The following ERG variants were observed in gnomAD, a reference collection of about 807,000 sequenced individuals.
ERG encodes transcriptional regulator ERG.
Under a neutral mutation model 55.3 loss-of-function variants are expected in ERG, and 9 were observed. That is an observed-to-expected ratio of 0.16 (90% CI 0.10 to 0.28). ERG has a LOEUF of 0.28. Ranked by LOEUF, ERG falls within the 10% of genes least tolerant of loss-of-function variation. The pLI is 1.00. For missense variants in ERG, 434 were observed against 631.6 expected (o/e 0.69, Z 3.35); for synonymous variants, 223 against 237.3 (o/e 0.94, Z 0.55).
intron 1 of ERG, among the ~76,000 whole-genome samples, chr21:38,636,265 T>C (rs1055153361): frequency 1.3e-5 from 2 of 152,174 alleles, no homozygotes; most frequent in Non-Finnish European, 2.9e-5. Context: ...CCTTCATAAA[T>C]TACCCATTCT....
At chr21:38,436,435 C>T (rs576294246) in intron 2 of ERG, among the ~76,000 whole-genome samples, 5 of 152,234 alleles carry the variant, frequency 3.3e-5, no homozygotes, top group South Asian at 2.1e-4. Context: ...TTGTCTGACA[C>T]GTGGAGAGAA....
intron 2 of ERG, among the ~76,000 whole-genome samples, chr21:38,509,601 G>C (rs1284177393): frequency 6.6e-6 from 1 of 151,972 alleles, no homozygotes; most frequent in Non-Finnish European, 1.5e-5. Context: ...CCCTAACTTT[G>C]GTCTTCACTC....
chr21:38,660,992 G>C (rs2060551688), intron 1 of ERG, among the ~76,000 whole-genome samples: 1 of 151,960 alleles, frequency 6.6e-6, no homozygotes, highest in South Asian at 2.1e-4. Flanking sequence ...GCGGCTCCGG[G>C]AGGAAGAGGA....
intron 1 of ERG, among the ~76,000 whole-genome samples, chr21:38,462,168 A>C (rs1418268955): frequency 6.6e-6 from 1 of 152,066 alleles, no homozygotes; most frequent in Non-Finnish European, 1.5e-5. Context: ...TTTTTAGTAG[A>C]AACAGGGTTT....
intron 2 of ERG, among the ~76,000 whole-genome samples, chr21:38,512,047 G>A (rs1490620986): frequency 6.6e-6 from 1 of 152,134 alleles, no homozygotes; most frequent in Non-Finnish European, 1.5e-5. Flanking sequence ...CCTAATGGAA[G>A]GTATATTGTC....
chr21:38,505,216 T>A (rs2059451129), intron 2 of ERG, among the ~76,000 whole-genome samples: 1 of 152,190 alleles, frequency 6.6e-6, no homozygotes, highest in Admixed American at 6.5e-5. Flanking sequence ...TACCTGCGGA[T>A]GCAATGAAGC....
the ERG span, among the ~76,000 whole-genome samples, chr21:38,369,894 G>A: frequency 0.011 from 1,671 of 152,198 alleles, 40 homozygotes; most frequent in African/African-American, 0.038. Context: ...CCCATTGCTT[G>A]TTTTTGTCAC....
chr21:38,400,039 G>A (rs762004722), intron 6 of ERG: 55 of 268,734 alleles, frequency 2.0e-4, no homozygotes, highest in Non-Finnish European at 3.6e-4. Context: ...CTAACACCAC[G>A]CTTGGCACTA....
chr21:38,500,305 C>A (rs1038425097), upstream of ERG, among the ~76,000 whole-genome samples: 4 of 152,224 alleles, frequency 2.6e-5, no homozygotes, highest in Admixed American at 2.0e-4. Context: ...TCCCGCCTCA[C>A]CCACGCCTCG....
chr21:38,446,177 G>A (rs910564680), intron 1 of ERG, among the ~76,000 whole-genome samples: 1 of 123,528 alleles, frequency 8.1e-6, no homozygotes, highest in Non-Finnish European at 1.6e-5. Flanking sequence ...CCGAAGTACA[G>A]TTTCAAGTGG....
chr21:38,646,670 C>T (rs59618596), intron 1 of ERG, among the ~76,000 whole-genome samples: 1,728 of 152,232 alleles, frequency 0.011, 31 homozygotes, highest in African/African-American at 0.039. Flanking sequence ...GAGTCAGTTG[C>T]CTTTTAATGG....
chr21:38,493,660 TC>T (rs1386725088), intron 1 of ERG, among the ~76,000 whole-genome samples: 1 of 152,212 alleles, frequency 6.6e-6, no homozygotes, highest in African/African-American at 2.4e-5. Flanking sequence ...TCTGCCCTCC[TC>T]CAGCAGCCTC....
intron 6 of ERG, among the ~76,000 whole-genome samples, chr21:38,393,938 G>A (rs1988087052): frequency 6.6e-6 from 1 of 152,076 alleles, no homozygotes; most frequent in South Asian, 2.1e-4. Flanking sequence ...CACATCTCTT[G>A]TGTTGGGGTT....
chr21:38,635,850 TGAG>T (rs1355395128), intron 1 of ERG, among the ~76,000 whole-genome samples: 1 of 152,174 alleles, frequency 6.6e-6, no homozygotes, highest in Non-Finnish European at 1.5e-5. Context: ...ATTCAGGAAA[TGAG>T]GCCTTGGGCT....
chr21:38,458,558 A>C (rs2059012024), intron 1 of ERG, among the ~76,000 whole-genome samples: 1 of 152,120 alleles, frequency 6.6e-6, no homozygotes, highest in Admixed American at 6.6e-5. Flanking sequence ...ATCACAATGC[A>C]CTTTCGCAAT....
intron 1 of ERG, among the ~76,000 whole-genome samples, chr21:38,651,482 T>C (rs1339807229): frequency 6.6e-6 from 1 of 152,212 alleles, no homozygotes; most frequent in Admixed American, 6.5e-5. Context: ...CACTACACAA[T>C]GGATTTTGAA....
intron 2 of ERG, among the ~76,000 whole-genome samples, chr21:38,513,208 T>C (rs1178415877): frequency 6.6e-6 from 1 of 151,788 alleles, no homozygotes; most frequent in East Asian, 1.9e-4. Flanking sequence ...TACAAAGAGG[T>C]TGAAGCTTAT....
chr21:38,642,236 C>T (rs915782917), intron 1 of ERG, among the ~76,000 whole-genome samples: 3 of 152,142 alleles, frequency 2.0e-5, no homozygotes, highest in African/African-American at 2.4e-5. Flanking sequence ...TGGGGAAAAA[C>T]ATGTGTATAA....
chr21:38,638,763 A>T (rs1343821953), intron 1 of ERG, among the ~76,000 whole-genome samples: 2 of 152,122 alleles, frequency 1.3e-5, no homozygotes, highest in African/African-American at 4.8e-5. Context: ...TGAAAACATG[A>T]GAGTGTATGA....
Sources: gnomAD v4.1 joint callset for allele counts (sites outside exome capture counted in the v4.1 genomes callset) on GRCh38, gnomAD v4.1.1 for gene constraint, MANE v1.5 for transcripts, NCBI Gene and HGNC (gene_info 2026-07-23, HGNC 2026-07-21) for gene names.